Variants in FKBP5 observed in about 807,000 individuals in gnomAD.
FKBP5 encodes FKBP prolyl isomerase 5, also known as peptidyl-prolyl cis-trans isomerase FKBP5.
Under a neutral mutation model 50.5 loss-of-function variants are expected in FKBP5, and 23 were observed. That is an observed-to-expected ratio of 0.46 (90% CI 0.33 to 0.65). The LOEUF (loss-of-function observed/expected upper bound fraction) is 0.65, where lower values mean the gene tolerates loss of function less well. Among genes scored for constraint, FKBP5 ranks in the 30% least tolerant of loss-of-function variants. The probability of loss-of-function intolerance (pLI) is 0.02; values close to 1 mark genes in which losing one functional copy is unlikely to be tolerated. For missense variants in FKBP5, 411 were observed against 553.1 expected, an observed-to-expected ratio of 0.74 and a Z score of 2.58; for synonymous variants, 176 against 190.6, an observed-to-expected ratio of 0.92 and a Z score of 0.63.
At position 35,575,878 on chromosome 6, in the gene FKBP5, T is replaced by C; in HGVS notation, c.1331A>G (p.Asp444Gly). The change falls in exon 11 of 11, where the codon GAC becomes GGC. Residue 444 changes from aspartate (D) to glycine (G), a missense_variant. By Grantham distance (94) the Asp-to-Gly change is moderately conservative. Transcript: ENST00000357266. ...SEGVTNEKGT[D>G]SQAMEEEKPE... ...TTTCTCTTCTTCCATTGCTTGACTG[T>C]CTGTTCCTTTTTCATTAGTGACCCC... 1 of 1,614,104 alleles carries C rather than the reference T, an allele frequency of 6.2e-7. No individual in the cohort carries two copies. The highest frequency in any genetic ancestry group is 8.5e-7 in the Non-Finnish European group (1 of 1,179,962).
At chr6:35,602,645 C>T (rs529221302) in intron 5 of FKBP5, among the ~76,000 whole-genome samples, 2 of 151,862 alleles carry the variant, frequency 1.3e-5, no homozygotes, top group East Asian at 3.9e-4. Context: ...TTTCTAAAAG[C>T]AGGAGAACAA....
chr6:35,688,522 G>A (rs902229453), intron 1 of FKBP5, among the ~76,000 whole-genome samples: 3 of 151,540 alleles, frequency 2.0e-5, no homozygotes, highest in African/African-American at 7.3e-5. Context: ...GCGGAGAGCG[G>A]CGCCCGCGGT....
At chr6:35,618,629 G>A (rs1270640067) in intron 5 of FKBP5, among the ~76,000 whole-genome samples, 1 of 151,952 alleles carries the variant, frequency 6.6e-6, no homozygotes. Flanking sequence ...TCCTGCCTCG[G>A]CCTCCCAAAG....
chr6:35,624,724 T>G (rs1763944776), intron 3 of FKBP5, among the ~76,000 whole-genome samples: 2 of 152,158 alleles, frequency 1.3e-5, no homozygotes. Context: ...AAAGCTCTGC[T>G]TTCTTAAACT....
At chr6:35,629,786 A>T (rs912246996) in intron 3 of FKBP5, among the ~76,000 whole-genome samples, 2 of 152,216 alleles carry the variant, frequency 1.3e-5, no homozygotes, top group African/African-American at 4.8e-5. Flanking sequence ...TCAGCAGTGG[A>T]AATTGGAAGC....
At chr6:35,580,008 G>A in intron 9 of FKBP5, 28 bp downstream of exon 9, 1 of 1,565,770 alleles carries the variant, frequency 6.4e-7, no homozygotes, top group Non-Finnish European at 8.8e-7. Flanking sequence ...AGTATCTAAA[G>A]TCCATCTCAC....
intron 6 of FKBP5, among the ~76,000 whole-genome samples, chr6:35,595,850 G>A (rs1762969230): frequency 6.6e-6 from 1 of 152,028 alleles, no homozygotes; most frequent in Non-Finnish European, 1.5e-5. Flanking sequence ...AACAGAATTA[G>A]TTTCACCTAA....
intron 1 of FKBP5, among the ~76,000 whole-genome samples, chr6:35,686,203 T>C (rs2151013206): frequency 6.6e-6 from 1 of 152,272 alleles, no homozygotes; most frequent in South Asian, 2.1e-4. Context: ...ATTCAACTTA[T>C]GCTTAATTTT....
chr6:35,583,444 G>A, intron 8 of FKBP5: 1 of 985,360 alleles, frequency 1.0e-6, no homozygotes, highest in Non-Finnish European at 1.2e-6. Flanking sequence ...TTCACATAGG[G>A]CATTTTAATT....
In FKBP5 at chr6:35,585,994, T is replaced by TAAAG. The variant is rs951295995; in HGVS notation, c.840+1036_840+1039dup. Reference sequence around the variant, plus strand: ...AGCATGTCTTATAGCAGATGCCCCATAAAGACTTGTTAAAGTACACTTATG... The same window carrying TAAAG: ...AGCATGTCTTATAGCAGATGCCCCATAAAGAAAGACTTGTTAAAGTACACTTATG... On this transcript the variant is annotated intron_variant, in intron 8 of 10. Transcript: ENST00000357266. The TAAAG allele has an allele frequency of 3.2e-5, 32 of 985,192 alleles. No individual in the cohort carries two copies. In the African/African-American group the frequency reaches 5.4e-4, roughly 17 times the overall value. 61.0% of individuals were successfully genotyped at this position (985,192 alleles called of 1,614,324 possible). A position where few individuals can be genotyped will look rare whatever the true frequency, so the allele number is the denominator to read the frequency against.
intron 9 of FKBP5, 115 bp from the exon 10 acceptor site, chr6:35,577,348 C>T (rs1458229552): frequency 4.2e-6 from 4 of 958,474 alleles, no homozygotes; most frequent in African/African-American, 1.6e-5. Flanking sequence ...AAAAATGGGG[C>T]TCAAGATAAT....
chr6:35,701,465 G>A (rs991729004), intron 2 of FKBP5, among the ~76,000 whole-genome samples: 11 of 151,638 alleles, frequency 7.3e-5, no homozygotes, highest in Non-Finnish European at 1.0e-4. Context: ...GGATGGTCTC[G>A]ATCTCCTGAC....
chr6:35,652,682 CA>C (rs1764839828), intron 1 of FKBP5, among the ~76,000 whole-genome samples: 1 of 152,190 alleles, frequency 6.6e-6, no homozygotes, highest in Non-Finnish European at 1.5e-5. Context: ...ACTTTATTAG[CA>C]ATTTTAATTT....
intron 1 of FKBP5, among the ~76,000 whole-genome samples, chr6:35,721,973 G>A (rs1205821440): frequency 6.6e-6 from 1 of 152,156 alleles, no homozygotes; most frequent in Non-Finnish European, 1.5e-5. Context: ...GTGCTGTGCT[G>A]TTCCCTGTGC....
Position 35,707,144 on chromosome 6 carries a change from T to C in FKBP5, c.-20+13184A>G, listed in dbSNP as rs114594754. On this transcript the variant is annotated intron_variant, in intron 2 of 11. Transcript: ENST00000536438. ...CTCGTTTTTATTGTATTTCTCTTTA[T>C]ATTGTTTTAAGTTTATTACCAGATA... Among the ~76,000 whole-genome samples, 141 of 152,254 alleles carry C rather than the reference T, an allele frequency of 9.3e-4. 1 individual carries two copies. The highest frequency in any genetic ancestry group is 3.3e-3 in the African/African-American group (136 of 41,568).
intron 2 of FKBP5, among the ~76,000 whole-genome samples, chr6:35,701,239 T>G (rs1211489736): frequency 1.4e-5 from 2 of 147,606 alleles, no homozygotes; most frequent in African/African-American, 5.0e-5. Context: ...TTTTGTTTTT[T>G]GTTTTTTTGT....
intron 1 of FKBP5, among the ~76,000 whole-genome samples, chr6:35,677,455 CAAAGA>C (rs1234545517): frequency 6.6e-6 from 1 of 152,184 alleles, no homozygotes; most frequent in Non-Finnish European, 1.5e-5. Context: ...CAAATAAACC[CAAAGA>C]AAAGACCTGT....
chr6:35,675,916 ACTC>A (rs1172182016), intron 1 of FKBP5, among the ~76,000 whole-genome samples: 2 of 151,928 alleles, frequency 1.3e-5, no homozygotes, highest in Non-Finnish European at 2.9e-5. Flanking sequence ...TAACCCTAGG[ACTC>A]CTCTCTCCAG....
chr6:35,717,997 A>G (rs1349461765), intron 2 of FKBP5, among the ~76,000 whole-genome samples: 1 of 152,142 alleles, frequency 6.6e-6, no homozygotes, highest in African/African-American at 2.4e-5. Context: ...GGCTGGCAAA[A>G]CAGACCCCAT....
Sources: allele counts gnomAD v4.1 joint callset (sites outside exome capture counted in the v4.1 genomes callset), GRCh38; gene constraint gnomAD v4.1.1; transcripts MANE v1.5; gene names NCBI Gene and HGNC (gene_info 2026-07-23, HGNC 2026-07-21).